The following RBMS3 variants were observed in gnomAD, a reference collection of about 807,000 sequenced individuals.
RBMS3 encodes the protein RNA binding motif single stranded interacting protein 3, also known as RNA-binding motif, single-stranded-interacting protein 3.
RBMS3 carries 27 observed loss-of-function variants against 66.8 expected under a neutral mutation model. The ratio of observed to expected loss-of-function variants is 0.40; its 90% CI spans 0.30 to 0.56. The LOEUF is 0.56. RBMS3 is among the 20% of genes least tolerant of loss of function. The probability of loss-of-function intolerance (pLI) is 0.40; values close to 1 mark genes in which losing one functional copy is unlikely to be tolerated. For missense variants in RBMS3, 513 were observed against 549.5 expected (o/e 0.93, Z 0.66); for synonymous variants, 188 against 183.0 (o/e 1.03, Z -0.22).
chr3:29,600,425 A>G (rs1559500586), intron 4 of RBMS3, among the ~76,000 whole-genome samples: 1 of 152,062 alleles, frequency 6.6e-6, no homozygotes, highest in Non-Finnish European at 1.5e-5. Flanking sequence ...TTGCCGTGTT[A>G]TCTTTGCACA....
At chr3:29,909,724 C>T (rs1016977212) in intron 10 of RBMS3, among the ~76,000 whole-genome samples, 21 of 152,054 alleles carry the variant, frequency 1.4e-4, no homozygotes, top group South Asian at 2.1e-4. Context: ...TACCCAGTAA[C>T]GTAAAAATTG....
rs540408838 is a variant in RBMS3, at chr3:29,580,433, T to C, written c.308-6681T>C. 4.6e-5 allele frequency among the ~76,000 whole-genome samples: 7 copies of C among 152,252 alleles called. No individual in the cohort carries two copies. The South Asian group carries it at 1.5e-3, about 32-fold the overall frequency. ...ACTGAATGGAACCTGGCTCAGTTGT[T>C]CAGCTCTGTTGACCAGAGCTGTACA... is the stretch of plus-strand genomic sequence containing the variant. On this transcript the variant is annotated intron_variant, in intron 3 of 14. Transcript: ENST00000383767.
In RBMS3 at chr3:29,720,098, C is replaced by G. The variant is rs190861210; in HGVS notation, c.400-19622C>G. Among the ~76,000 whole-genome samples the G allele has an allele frequency of 3.5e-4, 48 of 137,176 alleles. 1 individual carries two copies. The highest frequency in any genetic ancestry group is 1.3e-3 in the African/African-American group (48 of 36,876). The allele number at this position is 137,176 out of a possible 152,430, so 90.0% of individuals were successfully genotyped here. On this transcript the variant is annotated intron_variant, in intron 4 of 14. Coordinates refer to ENST00000383767, the MANE Select transcript of RBMS3 (RefSeq NM_001003793.3). ...CTACCTTTCCAAAGTCACTTCATGCCATTACCCGCTAGCTCCCTCTGTTGC... is the reference window on the plus strand; with the variant it reads ...CTACCTTTCCAAAGTCACTTCATGCGATTACCCGCTAGCTCCCTCTGTTGC...
chr3:29,285,686 T>C (rs1210119545), intron 1 of RBMS3, among the ~76,000 whole-genome samples: 1 of 152,022 alleles, frequency 6.6e-6, no homozygotes, highest in Non-Finnish European at 1.5e-5. Flanking sequence ...GTGTAAGAAG[T>C]AGTTAATCAA....
intron 4 of RBMS3, among the ~76,000 whole-genome samples, chr3:29,605,514 G>C (rs2048294178): frequency 6.6e-6 from 1 of 151,298 alleles, no homozygotes; most frequent in Non-Finnish European, 1.5e-5. Context: ...CATACTTTCT[G>C]TACTTCATGG....
intron 3 of RBMS3, among the ~76,000 whole-genome samples, chr3:29,506,471 T>A (rs1177932036): frequency 6.6e-6 from 1 of 151,378 alleles, no homozygotes; most frequent in Non-Finnish European, 1.5e-5. Context: ...GATGTTAAAT[T>A]TGACTTGCTA....
chr3:29,899,792 TTA>T, intron 10 of RBMS3, 37 bp downstream of exon 10: 1 of 1,592,356 alleles, frequency 6.3e-7, no homozygotes, highest in Non-Finnish European at 8.6e-7. Context: ...AATATTTCTA[TTA>T]TCCAAGTACA....
chr3:29,532,226 T>G (rs2045377297), intron 3 of RBMS3, among the ~76,000 whole-genome samples: 1 of 140,798 alleles, frequency 7.1e-6, no homozygotes, highest in Non-Finnish European at 1.5e-5. Context: ...TTCAGTCTTA[T>G]TTTAATTTCG....
At chr3:29,695,783 T>C (rs1180184065) in intron 4 of RBMS3, among the ~76,000 whole-genome samples, 1 of 152,240 alleles carries the variant, frequency 6.6e-6, no homozygotes, top group African/African-American at 2.4e-5. Context: ...CCTGTACACA[T>C]TGCCAACTCT....
chr3:29,685,083 G>T (rs1019867479), intron 4 of RBMS3, among the ~76,000 whole-genome samples: 1 of 151,630 alleles, frequency 6.6e-6, no homozygotes, highest in African/African-American at 2.4e-5. Context: ...TTTTGAGACG[G>T]AGTCTTGCTC....
intron 10 of RBMS3, among the ~76,000 whole-genome samples, chr3:29,900,462 G>A (rs752439091): frequency 5.9e-5 from 9 of 151,620 alleles, no homozygotes; most frequent in South Asian, 4.1e-4. Flanking sequence ...AAAGTATGAC[G>A]TATTACATTA....
intron 6 of RBMS3, among the ~76,000 whole-genome samples, chr3:29,784,403 C>T (rs1473925300): frequency 1.3e-5 from 2 of 152,086 alleles, no homozygotes; most frequent in Non-Finnish European, 2.9e-5. Flanking sequence ...CATGCAATTA[C>T]ATGGATATTA....
At chr3:29,304,106 G>A (rs1387674317) in intron 1 of RBMS3, among the ~76,000 whole-genome samples, 2 of 151,888 alleles carry the variant, frequency 1.3e-5, no homozygotes, top group African/African-American at 4.8e-5. Flanking sequence ...GGGACACAGA[G>A]CCAAACCATA....
At chr3:29,603,984 A>G (rs530998965) in intron 4 of RBMS3, among the ~76,000 whole-genome samples, 1 of 152,130 alleles carries the variant, frequency 6.6e-6, no homozygotes, top group East Asian at 1.9e-4. Context: ...CAACTAGGGC[A>G]CAAGTTGCTA....
chr3:29,900,761 T>A (rs1053576811), intron 10 of RBMS3, among the ~76,000 whole-genome samples: 1 of 151,818 alleles, frequency 6.6e-6, no homozygotes, highest in Non-Finnish European at 1.5e-5. Flanking sequence ...GTATACATGC[T>A]ATGCATTATT....
chr3:29,370,503 A>G (rs2038144923), intron 1 of RBMS3, among the ~76,000 whole-genome samples: 1 of 152,160 alleles, frequency 6.6e-6, no homozygotes, highest in African/African-American at 2.4e-5. Flanking sequence ...TTTGGCTTTT[A>G]AGGCATATTT....
chr3:29,600,768 T>C (rs2048116100), intron 4 of RBMS3, among the ~76,000 whole-genome samples: 1 of 152,076 alleles, frequency 6.6e-6, no homozygotes, highest in South Asian at 2.1e-4. Flanking sequence ...TGAAAGCATA[T>C]TCAATCTTAG....
intron 4 of RBMS3, among the ~76,000 whole-genome samples, chr3:29,656,798 T>C (rs1379856337): frequency 6.6e-6 from 1 of 152,144 alleles, no homozygotes; most frequent in Non-Finnish European, 1.5e-5. Context: ...GGACTCTCCC[T>C]CTCTCTCGTA....
chr3:29,851,722 A>G (rs559557770), intron 6 of RBMS3, among the ~76,000 whole-genome samples: 1 of 152,300 alleles, frequency 6.6e-6, no homozygotes, highest in African/African-American at 2.4e-5. Flanking sequence ...ATTCTGGTAA[A>G]TCTGTTCTAA....
Sources: allele counts gnomAD v4.1 joint callset (sites outside exome capture counted in the v4.1 genomes callset), GRCh38; gene constraint gnomAD v4.1.1; transcripts MANE v1.5; gene names NCBI Gene and HGNC (gene_info 2026-07-23, HGNC 2026-07-21).